Variants in MSRA observed in about 807,000 individuals in gnomAD.
MSRA encodes the protein mitochondrial peptide methionine sulfoxide reductase.
In MSRA, 54 loss-of-function variants were observed where a neutral mutation model predicts 31.3. That is an observed-to-expected ratio of 1.73 (90% CI 1.39 to 2.17). The LOEUF (loss-of-function observed/expected upper bound fraction) is 2.17, where lower values mean the gene tolerates loss of function less well. Ranked by LOEUF, MSRA falls within the 30% of genes most tolerant of loss-of-function variation. The probability of loss-of-function intolerance (pLI) is 0.00; values close to 1 mark genes in which losing one functional copy is unlikely to be tolerated. For synonymous variants in MSRA, 169 were observed against 116.5 expected, an observed-to-expected ratio of 1.45 and a Z score of -2.90; for missense variants, 507 against 300.9, an observed-to-expected ratio of 1.69 and a Z score of -5.07.
At chr8:10,372,957 C>T (rs1210100484) in intron 5 of MSRA, among the ~76,000 whole-genome samples, 3 of 152,330 alleles carry the variant, frequency 2.0e-5, no homozygotes, top group Non-Finnish European at 4.4e-5. Flanking sequence ...GCTGCGATCT[C>T]GGCCCAATTG....
At chr8:10,135,244 T>C (rs769762182) in intron 1 of MSRA, among the ~76,000 whole-genome samples, 2 of 152,218 alleles carry the variant, frequency 1.3e-5, no homozygotes, top group African/African-American at 2.4e-5. Flanking sequence ...CTCTGTGACA[T>C]TGGGGGTTGC....
At chr8:10,133,326 GA>G (rs919975880) in intron 1 of MSRA, among the ~76,000 whole-genome samples, 2 of 152,164 alleles carry the variant, frequency 1.3e-5, no homozygotes, top group African/African-American at 4.8e-5. Flanking sequence ...ATATGTATTA[GA>G]AAGAGGACAG....
intron 1 of MSRA, among the ~76,000 whole-genome samples, chr8:10,097,878 A>G (rs1201827107): frequency 6.6e-6 from 1 of 152,168 alleles, no homozygotes; most frequent in African/African-American, 2.4e-5. Flanking sequence ...TAAACTTAAA[A>G]TTTGATAAAT....
chr8:10,265,605 G>A (rs1426369120), intron 3 of MSRA, among the ~76,000 whole-genome samples: 2 of 152,144 alleles, frequency 1.3e-5, no homozygotes, highest in Non-Finnish European at 2.9e-5. Flanking sequence ...AGTTGAATTG[G>A]GCTGTAAGTG....
At chr8:10,233,738 T>C (rs910700610) in intron 2 of MSRA, among the ~76,000 whole-genome samples, 1 of 152,134 alleles carries the variant, frequency 6.6e-6, no homozygotes, top group Non-Finnish European at 1.5e-5. Flanking sequence ...TCTGGAGAAA[T>C]AGAATTGCGA....
intron 3 of MSRA, among the ~76,000 whole-genome samples, chr8:10,297,906 C>T (rs986590354): frequency 2.6e-5 from 4 of 152,190 alleles, no homozygotes; most frequent in Non-Finnish European, 4.4e-5. Flanking sequence ...AGCCTCGTGT[C>T]AGTTACCACA....
chr8:10,107,555 G>T (rs769216438), intron 1 of MSRA, among the ~76,000 whole-genome samples: 4 of 152,086 alleles, frequency 2.6e-5, no homozygotes, highest in African/African-American at 7.2e-5. Context: ...TTCAATAACA[G>T]ATCAGTGTAG....
intron 5 of MSRA, among the ~76,000 whole-genome samples, chr8:10,392,676 G>C (rs531041121): frequency 1.1e-5 from 1 of 92,660 alleles, no homozygotes; most frequent in African/African-American, 3.0e-5. Flanking sequence ...TTGGCCTCTC[G>C]GCCCTTTTTT....
intron 5 of MSRA, among the ~76,000 whole-genome samples, chr8:10,378,921 T>C (rs1585628296): frequency 6.6e-6 from 1 of 152,322 alleles, no homozygotes. Context: ...AAAAGAGCCC[T>C]TAAAAATCAC....
At chr8:10,179,569 A>C (rs1806360753) in intron 1 of MSRA, among the ~76,000 whole-genome samples, 1 of 152,186 alleles carries the variant, frequency 6.6e-6, no homozygotes, top group East Asian at 1.9e-4. Context: ...ATGTCTGGCA[A>C]GGTCTTGTCT....
chr8:10,260,789 T>C (rs1452570440), intron 3 of MSRA, among the ~76,000 whole-genome samples: 2 of 152,194 alleles, frequency 1.3e-5, no homozygotes, highest in African/African-American at 4.8e-5. Context: ...GTAAGAGGAC[T>C]TACCTTTAAT....
At chr8:10,207,946 C>G in intron 2 of MSRA, 45 bp downstream of exon 2, 1 of 1,505,734 alleles carries the variant, frequency 6.6e-7, no homozygotes, top group South Asian at 1.2e-5. Context: ...TGTGCAAAGA[C>G]TAGTGCCAAA....
chr8:10,208,793 C>G (rs1473464904), intron 2 of MSRA, among the ~76,000 whole-genome samples: 1 of 152,182 alleles, frequency 6.6e-6, no homozygotes, highest in Non-Finnish European at 1.5e-5. Context: ...TGTGAGGTCC[C>G]CTGATTTCAC....
chr8:10,398,944 C>G (rs1043711556), intron 5 of MSRA, among the ~76,000 whole-genome samples: 6 of 152,168 alleles, frequency 3.9e-5, no homozygotes, highest in Admixed American at 6.5e-5. Context: ...TCGAGAGAGG[C>G]AGATGCAGCT....
chr8:10,123,918 G>A (rs1022150009), intron 1 of MSRA, among the ~76,000 whole-genome samples: 2 of 151,502 alleles, frequency 1.3e-5, no homozygotes, highest in African/African-American at 4.9e-5. Context: ...AGGCTAGAGT[G>A]CAGTGGTGCA....
At chr8:10,280,481 T>A (rs1799563567) in intron 3 of MSRA, among the ~76,000 whole-genome samples, 1 of 152,232 alleles carries the variant, frequency 6.6e-6, no homozygotes, top group Admixed American at 6.5e-5. Flanking sequence ...CTGTTTGAGT[T>A]ATTTAAAGTT....
chr8:10,289,196 A>C (rs1800100138), intron 3 of MSRA, among the ~76,000 whole-genome samples: 1 of 151,872 alleles, frequency 6.6e-6, no homozygotes, highest in East Asian at 1.9e-4. Context: ...TTGTATTTTT[A>C]GTAGAGACGG....
chr8:10,243,215 C>T (rs573943045), intron 2 of MSRA, among the ~76,000 whole-genome samples: 3 of 152,206 alleles, frequency 2.0e-5, no homozygotes, highest in Middle Eastern at 3.4e-3. Flanking sequence ...CGTTGTGCAG[C>T]ACAGAAATAT....
At chr8:10,086,227 C>A (rs1020387567) in intron 1 of MSRA, among the ~76,000 whole-genome samples, 2 of 152,184 alleles carry the variant, frequency 1.3e-5, no homozygotes, top group Admixed American at 1.3e-4. Flanking sequence ...AATAGCCTTT[C>A]TAGTGGGTGA....
Sources: gnomAD v4.1 joint callset for allele counts (sites outside exome capture counted in the v4.1 genomes callset) on GRCh38, gnomAD v4.1.1 for gene constraint, MANE v1.5 for transcripts, NCBI Gene and HGNC (gene_info 2026-07-23, HGNC 2026-07-21) for gene names.